SNX29: variants seen among roughly 807,000 people sequenced by gnomAD.
The protein encoded by SNX29 is sorting nexin 29, also known as sorting nexin-29.
A neutral mutation model predicts 102.1 loss-of-function variants in SNX29; 78 were observed. That is an observed-to-expected ratio of 0.76 (90% CI 0.64 to 0.92). SNX29 has a LOEUF of 0.92. Among genes scored for constraint, SNX29 ranks in the 40% least tolerant of loss-of-function variants. The probability of loss-of-function intolerance (pLI) is 0.00; values close to 1 mark genes in which losing one functional copy is unlikely to be tolerated. For missense variants in SNX29, 1,280 were observed against 1,061.7 expected (o/e 1.21, Z -2.86); for synonymous variants, 580 against 414.5 (o/e 1.40, Z -4.85).
At chr16:12,035,495 A>G (rs1213696085) in intron 4 of SNX29, among the ~76,000 whole-genome samples, 1 of 152,202 alleles carries the variant, frequency 6.6e-6, no homozygotes, top group Non-Finnish European at 1.5e-5. Flanking sequence ...GGAAGTTGGT[A>G]GAGTGACAGA....
chr16:12,089,715 G>C (rs1298881003), intron 11 of SNX29: 2 of 219,506 alleles, frequency 9.1e-6, no homozygotes, highest in Non-Finnish European at 1.9e-5. Flanking sequence ...TTTATCCCAC[G>C]TACAATGGGA....
intron 14 of SNX29, 119 bp from the exon 15 acceptor site, chr16:12,277,814 T>C: frequency 1.3e-6 from 1 of 769,840 alleles, no homozygotes; most frequent in East Asian, 2.7e-5. Context: ...GTGTGTGTTT[T>C]TCTTGAGAGC....
At chr16:12,532,696 C>G (rs906561708) in intron 20 of SNX29, among the ~76,000 whole-genome samples, 6 of 152,280 alleles carry the variant, frequency 3.9e-5, no homozygotes, top group African/African-American at 1.4e-4. Context: ...AAGTCAGGGT[C>G]AGGTGCCCAG....
rs1286487827 is a variant in SNX29 at position 12,461,982 on chromosome 16, T to A, written c.2038-15737T>A. Reference sequence around the variant, plus strand: ...AAAAAAAAAAAAAAAAAAAAAAATATATATATATATATATATATATATATA... The same window carrying A: ...AAAAAAAAAAAAAAAAAAAAAAATAAATATATATATATATATATATATATA... On this transcript the variant is annotated intron_variant, in intron 18 of 20. Transcript: ENST00000566228. 5.3e-3 allele frequency among the ~76,000 whole-genome samples: 240 copies of A among 45,522 alleles called. 1 individual carries two copies. The highest frequency in any genetic ancestry group is 8.9e-3 in the African/African-American group (65 of 7,286). 29.9% of individuals were successfully genotyped at this position (45,522 alleles called of 152,430 possible).
At chr16:12,425,345 C>T (rs1301843593) in intron 18 of SNX29, among the ~76,000 whole-genome samples, 7 of 151,784 alleles carry the variant, frequency 4.6e-5, no homozygotes, top group Non-Finnish European at 1.0e-4. Flanking sequence ...ATCATTAGCT[C>T]AACAGATGCC....
intron 10 of SNX29, among the ~76,000 whole-genome samples, chr16:12,077,386 G>GGT (rs60621681): frequency 0.25 from 35,787 of 142,650 alleles, 4,562 homozygotes; most frequent in African/African-American, 0.35. Flanking sequence ...TCCTAGTCAT[G>GGT]GTGTGTGTGT....
chr16:12,194,819 G>T (rs2076731266), intron 13 of SNX29, among the ~76,000 whole-genome samples: 1 of 151,730 alleles, frequency 6.6e-6, no homozygotes, highest in Non-Finnish European at 1.5e-5. Context: ...TAGAGATGGG[G>T]TTTCACCATG....
chr16:12,338,051 C>T (rs2081504662), intron 15 of SNX29, among the ~76,000 whole-genome samples: 1 of 152,170 alleles, frequency 6.6e-6, no homozygotes, highest in African/African-American at 2.4e-5. Flanking sequence ...TGGAGCTATT[C>T]AGTGCATCCT....
intron 15 of SNX29, among the ~76,000 whole-genome samples, chr16:12,326,161 A>G (rs1052947645): frequency 6.6e-6 from 1 of 151,752 alleles, no homozygotes; most frequent in Non-Finnish European, 1.5e-5. Context: ...TGCACGTGCC[A>G]CCACGTCTGG....
At chr16:12,322,525 C>A (rs2080973286) in intron 15 of SNX29, among the ~76,000 whole-genome samples, 1 of 152,070 alleles carries the variant, frequency 6.6e-6, no homozygotes, top group African/African-American at 2.4e-5. Flanking sequence ...TACATAGATT[C>A]TTTATAATAT....
chr16:12,519,461 T>C (rs2090008865), intron 19 of SNX29, among the ~76,000 whole-genome samples: 1 of 152,084 alleles, frequency 6.6e-6, no homozygotes, highest in African/African-American at 2.4e-5. Context: ...CACCAATGAC[T>C]CATCATTAAT....
intron 20 of SNX29, among the ~76,000 whole-genome samples, chr16:12,551,820 A>G (rs1222848267): frequency 6.6e-6 from 1 of 152,140 alleles, no homozygotes; most frequent in South Asian, 2.1e-4. Context: ...TCCCCGCCTC[A>G]GTTTTGTCAC....
intron 20 of SNX29, among the ~76,000 whole-genome samples, chr16:12,538,882 C>G (rs1027338355): frequency 1.3e-5 from 2 of 148,232 alleles, no homozygotes; most frequent in Non-Finnish European, 2.9e-5. Flanking sequence ...GCCATTTGTA[C>G]ACTTGCACAG....
chr16:12,031,667 T>C (rs1328914849), intron 4 of SNX29, among the ~76,000 whole-genome samples: 1 of 151,732 alleles, frequency 6.6e-6, no homozygotes. Flanking sequence ...TAGCCAGGCG[T>C]GGTGGCAGGT....
At chr16:12,069,754 A>T (rs1195866181) in intron 10 of SNX29, among the ~76,000 whole-genome samples, 1 of 152,130 alleles carries the variant, frequency 6.6e-6, no homozygotes, top group East Asian at 1.9e-4. Flanking sequence ...GCGGTGGCGC[A>T]ATCTCGGCTC....
chr16:12,547,889 A>G (rs2077709677), intron 20 of SNX29, among the ~76,000 whole-genome samples: 1 of 152,132 alleles, frequency 6.6e-6, no homozygotes, highest in Non-Finnish European at 1.5e-5. Flanking sequence ...CAGCAGTTCT[A>G]GGGCTGTATA....
At chr16:12,562,780 G>T (rs753611163) in intron 20 of SNX29, among the ~76,000 whole-genome samples, 1 of 152,114 alleles carries the variant, frequency 6.6e-6, no homozygotes, top group Non-Finnish European at 1.5e-5. Flanking sequence ...GAGTCCTTTA[G>T]CCATCACCAT....
chr16:12,555,291 G>A (rs116574633), intron 20 of SNX29, among the ~76,000 whole-genome samples: 2,123 of 151,644 alleles, frequency 0.014, 48 homozygotes, highest in African/African-American at 0.048. Flanking sequence ...GAGCAGGGGT[G>A]CTGTCCAGTC....
Position 12,572,346 on chromosome 16 carries a change from T to C in SNX29, c.*3717T>C, listed in dbSNP as rs913544138. 8.6e-5 allele frequency: 91 copies of C among 1,062,976 alleles called. No individual in the cohort carries two copies. In the East Asian group the frequency reaches 3.8e-3, roughly 44 times the overall value. 65.8% of individuals were successfully genotyped at this position (1,062,976 alleles called of 1,614,324 possible). A position where few individuals can be genotyped will look rare whatever the true frequency, so the allele number is the denominator to read the frequency against. ...AGTGAAGCCCACCAGCCTGCCTGGT[T>C]GATGGACAGCAGGCTCTGCCTTCTG... is the stretch of plus-strand genomic sequence containing the variant. On this transcript the variant is annotated 3_prime_UTR_variant, in exon 21 of 21. Coordinates refer to ENST00000566228, the MANE Select transcript of SNX29 (RefSeq NM_032167.5).
Sources: allele counts gnomAD v4.1 joint callset (sites outside exome capture counted in the v4.1 genomes callset), GRCh38; gene constraint gnomAD v4.1.1; transcripts MANE v1.5; gene names NCBI Gene and HGNC (gene_info 2026-07-23, HGNC 2026-07-21).